PIGU: variants seen among roughly 807,000 people sequenced by gnomAD.
The protein encoded by PIGU is phosphatidylinositol glycan anchor biosynthesis class U, also known as GPI-anchor transamidase component PIGU.
In PIGU, 24 loss-of-function variants were observed where a neutral mutation model predicts 49.9. That is an observed-to-expected ratio of 0.48 (90% confidence interval 0.35 to 0.68). The LOEUF is 0.68. Among genes scored for constraint, PIGU ranks in the 30% least tolerant of loss-of-function variants. PIGU has a pLI of 0.01. For synonymous variants in PIGU, 220 were observed against 205.7 expected (o/e 1.07, Z -0.59); for missense variants, 490 against 532.6 (o/e 0.92, Z 0.79).
intron 7 of PIGU, among the ~76,000 whole-genome samples, chr20:34,605,021 C>G (rs1386582383): frequency 6.6e-6 from 1 of 152,148 alleles, no homozygotes; most frequent in Non-Finnish European, 1.5e-5. Flanking sequence ...TAAGCCTCGC[C>G]TGGTCTCCCT....
chr20:34,663,008 A>C (rs951093440), intron 1 of PIGU, among the ~76,000 whole-genome samples: 10 of 152,278 alleles, frequency 6.6e-5, no homozygotes, highest in Admixed American at 1.3e-4. Context: ...CCTGGGCACA[A>C]GCGATCATCC....
intron 7 of PIGU, among the ~76,000 whole-genome samples, chr20:34,610,010 T>C (rs925997852): frequency 1.3e-5 from 2 of 152,182 alleles, no homozygotes; most frequent in African/African-American, 4.8e-5. Context: ...TTCGGCTATA[T>C]TTGTAAGTTT....
intron 7 of PIGU, among the ~76,000 whole-genome samples, chr20:34,592,763 A>G (rs1361779662): frequency 6.6e-6 from 1 of 152,114 alleles, no homozygotes; most frequent in African/African-American, 2.4e-5. Context: ...ATGTTATTCT[A>G]TCAAGGTTAA....
chr20:34,617,384 C>A (rs186896035), intron 6 of PIGU, among the ~76,000 whole-genome samples: 1 of 152,194 alleles, frequency 6.6e-6, no homozygotes, highest in Non-Finnish European at 1.5e-5. Context: ...ACCATGGGAA[C>A]CCCCCTCTTA....
chr20:34,647,599 G>A (rs1708652879), intron 2 of PIGU, among the ~76,000 whole-genome samples: 1 of 151,664 alleles, frequency 6.6e-6, no homozygotes, highest in African/African-American at 2.4e-5. Context: ...TGTATTTTTA[G>A]TTTCACTATG....
At chr20:34,642,087 T>C (rs1160464840) in intron 4 of PIGU, among the ~76,000 whole-genome samples, 1 of 152,146 alleles carries the variant, frequency 6.6e-6, no homozygotes, top group Admixed American at 6.5e-5. Context: ...AACTCAGCAA[T>C]AACAAACAAA....
At chr20:34,574,749 T>C (rs1023619536) in intron 11 of PIGU, among the ~76,000 whole-genome samples, 2 of 152,052 alleles carry the variant, frequency 1.3e-5, no homozygotes. Context: ...GCCTCAGAAA[T>C]CAAGCCTTAT....
At chr20:34,617,299 A>C (rs905840494) in intron 6 of PIGU, among the ~76,000 whole-genome samples, 1 of 152,042 alleles carries the variant, frequency 6.6e-6, no homozygotes, top group Non-Finnish European at 1.5e-5. Context: ...AGCCACAGAC[A>C]CTCAACACCA....
intron 3 of PIGU, 64 bp downstream of exon 3, chr20:34,645,211 A>T: frequency 1.5e-6 from 2 of 1,376,198 alleles, no homozygotes; most frequent in Non-Finnish European, 1.9e-6. Context: ...AAAGAGAGAG[A>T]GAGACAATAA....
chr20:34,660,290 G>A (rs1600668776), intron 1 of PIGU, among the ~76,000 whole-genome samples: 1 of 152,052 alleles, frequency 6.6e-6, no homozygotes, highest in Non-Finnish European at 1.5e-5. Flanking sequence ...TTTGCAAGGG[G>A]AAAAATAAAA....
At chr20:34,676,844 C>G in intron 1 of PIGU, 112 bp downstream of exon 1, 1 of 1,317,784 alleles carries the variant, frequency 7.6e-7, no homozygotes, top group Non-Finnish European at 1.0e-6. Flanking sequence ...ACGAGACAGT[C>G]AGTTAGTTCT....
Position 34,676,994 on chromosome 20 carries a change from C to A in PIGU, c.92G>T (p.Arg31Leu), listed in dbSNP as rs1282495686. 3.2e-6 allele frequency: 5 copies of A among 1,582,680 alleles called. No individual in the cohort carries two copies. Among genetic ancestry groups the A allele is most frequent in the East Asian group, 4.6e-5 (2 of 43,758 alleles). ...GCTCAGTGGGGACACCACCTCCACC[C>A]GCTCGGAAATGAACTCGGCCAGACT... Reference protein sequence around the residue: ...RSSLAEFISERVEVVSPLSSW... With the variant: ...RSSLAEFISELVEVVSPLSSW... The change falls in exon 1 of 12, where the codon CGG becomes CTG. Residue 31 changes from arginine to leucine, a missense_variant. Transcript: ENST00000217446.
chr20:34,660,929 G>T (rs1418631031), intron 1 of PIGU, among the ~76,000 whole-genome samples: 4 of 152,108 alleles, frequency 2.6e-5, no homozygotes, highest in African/African-American at 9.7e-5. Flanking sequence ...TCTGGTTTAG[G>T]TCATTGCACT....
At chr20:34,638,088 T>TG in intron 4 of PIGU, 103 bp from the exon 5 acceptor site, 1 of 1,436,656 alleles carries the variant, frequency 7.0e-7, no homozygotes, top group Non-Finnish European at 9.0e-7. Context: ...CACATGGCCC[T>TG]GCCTGGTCTG....
chr20:34,631,283 T>C (rs891557405), intron 6 of PIGU, among the ~76,000 whole-genome samples: 2 of 151,754 alleles, frequency 1.3e-5, no homozygotes, highest in African/African-American at 4.8e-5. Context: ...GTAAAAATGA[T>C]GGGAAAAACA....
chr20:34,652,974 G>GTTT (rs1297140166), intron 2 of PIGU, among the ~76,000 whole-genome samples: 2 of 136,300 alleles, frequency 1.5e-5, no homozygotes, highest in Non-Finnish European at 1.6e-5. Flanking sequence ...GTCAAGTTGG[G>GTTT]TTTTTTTTTT....
At chr20:34,585,727 T>C (rs1038553363) in intron 8 of PIGU, 147 bp from the exon 9 acceptor site, 9 of 790,912 alleles carry the variant, frequency 1.1e-5, no homozygotes, top group Non-Finnish European at 1.8e-5. Flanking sequence ...AAGGGCTCTC[T>C]AGGTACCCTG....
intron 6 of PIGU, among the ~76,000 whole-genome samples, chr20:34,630,122 T>G (rs1985649644): frequency 6.6e-6 from 1 of 152,010 alleles, no homozygotes; most frequent in South Asian, 2.1e-4. Context: ...GTTGAAAGTT[T>G]ATATACAGAC....
intron 7 of PIGU, among the ~76,000 whole-genome samples, chr20:34,599,375 C>A (rs1984325864): frequency 6.6e-6 from 1 of 151,980 alleles, no homozygotes; most frequent in African/African-American, 2.4e-5. Flanking sequence ...ATTGCTTAAG[C>A]CTAGGAAGCA....
Sources: allele counts gnomAD v4.1 joint callset (sites outside exome capture counted in the v4.1 genomes callset), GRCh38; gene constraint gnomAD v4.1.1; transcripts MANE v1.5; gene names NCBI Gene and HGNC (gene_info 2026-07-23, HGNC 2026-07-21).